The following NOL4L variants were observed in gnomAD, a reference collection of about 807,000 sequenced individuals.
NOL4L encodes the protein nucleolar protein 4-like.
NOL4L carries 7 observed loss-of-function variants against 64.5 expected under a neutral mutation model. That is an observed-to-expected ratio of 0.11 (90% CI 0.06 to 0.20). The LOEUF (loss-of-function observed/expected upper bound fraction) is 0.20, where lower values mean the gene tolerates loss of function less well. Ranked by LOEUF, NOL4L falls within the 10% of genes least tolerant of loss-of-function variation. NOL4L has a pLI of 1.00. For synonymous variants in NOL4L, 413 were observed against 401.0 expected (o/e 1.03, Z -0.36); for missense variants, 680 against 967.1 (o/e 0.70, Z 3.94).
At chr20:32,571,333 G>T (rs140110643) in intron 1 of NOL4L, among the ~76,000 whole-genome samples, 4 of 152,140 alleles carry the variant, frequency 2.6e-5, no homozygotes, top group Non-Finnish European at 4.4e-5. Flanking sequence ...GATTATAGGC[G>T]TGTGCCACAA....
At chr20:32,535,729 G>A (rs2018499395) in intron 1 of NOL4L, 2 of 985,442 alleles carry the variant, frequency 2.0e-6, no homozygotes, top group Non-Finnish European at 2.4e-6. Context: ...TTTGGGTTTT[G>A]TTAACTCTGG....
intron 1 of NOL4L, among the ~76,000 whole-genome samples, chr20:32,583,719 G>A (rs1331949677): frequency 1.2e-3 from 164 of 136,324 alleles, no homozygotes; most frequent in Non-Finnish European, 2.2e-3. Context: ...CGCGCCGCAC[G>A]CCCTCTCCAG....
At chr20:32,488,117 A>T (rs528880662) in intron 4 of NOL4L, among the ~76,000 whole-genome samples, 1 of 152,074 alleles carries the variant, frequency 6.6e-6, no homozygotes, top group Non-Finnish European at 1.5e-5. Context: ...TTTAGTAGAG[A>T]TGGAGTTTTA....
At chr20:32,488,233 A>G (rs1203142031) in intron 4 of NOL4L, among the ~76,000 whole-genome samples, 1 of 152,168 alleles carries the variant, frequency 6.6e-6, no homozygotes, top group East Asian at 1.9e-4. Context: ...AGCATTTGGC[A>G]CCAAATTTTC....
chr20:32,543,807 A>T (rs529596804), intron 1 of NOL4L, among the ~76,000 whole-genome samples: 2 of 152,106 alleles, frequency 1.3e-5, no homozygotes, highest in African/African-American at 4.8e-5. Context: ...AACAAAAAAA[A>T]AAAGATACCA....
intron 1 of NOL4L, among the ~76,000 whole-genome samples, chr20:32,536,928 G>A (rs1195451136): frequency 1.3e-5 from 2 of 148,956 alleles, no homozygotes; most frequent in Non-Finnish European, 3.0e-5. Flanking sequence ...CTCTAGGCGC[G>A]CGCCCGCTCA....
chr20:32,486,620 G>T, intron 4 of NOL4L: 1 of 445,472 alleles, frequency 2.2e-6, no homozygotes, highest in South Asian at 1.7e-5. Flanking sequence ...AGCAGACACT[G>T]TTCAAGCACG....
intron 4 of NOL4L, among the ~76,000 whole-genome samples, chr20:32,503,270 G>A (rs760830660): frequency 1.3e-5 from 2 of 152,208 alleles, no homozygotes; most frequent in Non-Finnish European, 2.9e-5. Context: ...AAATGTGGTC[G>A]ATGGCATTTC....
intron 3 of NOL4L, among the ~76,000 whole-genome samples, chr20:32,516,144 A>T (rs1286063754): frequency 2.0e-5 from 3 of 152,180 alleles, no homozygotes; most frequent in African/African-American, 7.2e-5. Context: ...CAGGTATGAA[A>T]GATCTTCCAG....
intron 1 of NOL4L, among the ~76,000 whole-genome samples, chr20:32,558,627 G>A (rs540489283): frequency 2.2e-4 from 34 of 152,316 alleles, no homozygotes; most frequent in Admixed American, 9.2e-4. Flanking sequence ...CAGCCGTAAC[G>A]GAGGATTCCA....
At chr20:32,457,365 C>T (rs1487564987) in intron 5 of NOL4L, among the ~76,000 whole-genome samples, 1 of 152,166 alleles carries the variant, frequency 6.6e-6, no homozygotes, top group Non-Finnish European at 1.5e-5. Flanking sequence ...ACGGGTGACC[C>T]TGGCGGCTCC....
chr20:32,546,782 C>T (rs2018738726), intron 1 of NOL4L, among the ~76,000 whole-genome samples: 2 of 152,172 alleles, frequency 1.3e-5, no homozygotes, highest in Admixed American at 1.3e-4. Flanking sequence ...ATAGGTGGGA[C>T]ACAGGAGAGA....
intron 1 of NOL4L, among the ~76,000 whole-genome samples, chr20:32,568,121 T>C (rs1403518898): frequency 6.6e-6 from 1 of 151,798 alleles, no homozygotes; most frequent in Non-Finnish European, 1.5e-5. Flanking sequence ...ATCATCATCA[T>C]GACGGCCATC....
chr20:32,467,946 C>T (rs2145466559), intron 5 of NOL4L, among the ~76,000 whole-genome samples: 1 of 152,324 alleles, frequency 6.6e-6, no homozygotes, highest in Admixed American at 6.5e-5. Context: ...CACACCTGCT[C>T]CCCAGAGACC....
In NOL4L at chr20:32,452,431, G is replaced by A; in HGVS notation, c.1627C>T (p.Pro543Ser). ...LEIYQSSQDEPIALDKQHSRD... is the reference protein window; with the variant it reads ...LEIYQSSQDESIALDKQHSRD... ...GAGTGCTGCTTGTCCAGGGCTATGG[G>A]CTCATCCTGCAGAGGGGAGAGGGGG... The change falls in exon 10 of 11, where the codon CCC becomes TCC. Residue 543 changes from proline (P) to serine (S), a missense_variant. Physicochemically the swap from Pro to Ser is moderately conservative, Grantham distance 74. Transcript: ENST00000621426. 1.3e-6 allele frequency: 2 copies of A among 1,596,012 alleles called. No individual in the cohort carries two copies. Among genetic ancestry groups the A allele is most frequent in the Non-Finnish European group, 1.7e-6 (2 of 1,170,922 alleles).
Position 32,456,298 on chromosome 20 carries a change from C to T in NOL4L, c.939G>A (p.Met313Ile), listed in dbSNP as rs749930045. 6.3e-7 allele frequency: 1 copy of T among 1,581,886 alleles called. No homozygotes were observed. The highest frequency in any genetic ancestry group is 8.6e-7 in the Non-Finnish European group (1 of 1,161,266). ...TGGGGGCCACGGCGCCGTTGCCATT[C>T]ATCTCGGGGAAGGCAGGGTCGCCCT... ...STQGDPAFPE[M>I]NGNGAVAPMD... is the part of the protein sequence containing the mutation. Residue 313 changes from methionine to isoleucine, a missense_variant, in exon 6 of 11, where the codon ATG (methionine) becomes ATA (isoleucine). Physicochemically the swap from Met to Ile is conservative, Grantham distance 10. Transcript: ENST00000621426.
In NOL4L at chr20:32,474,709, T is replaced by C; in HGVS notation, c.733A>G (p.Met245Val). 6.2e-7 allele frequency: 1 copy of C among 1,613,446 alleles called. No individual in the cohort carries two copies. The highest frequency in any genetic ancestry group is 8.5e-7 in the Non-Finnish European group (1 of 1,179,758). The change falls in exon 5 of 11, where the codon ATG (methionine) becomes GTG (valine). Residue 245 changes from methionine (M) to valine (V), a missense_variant. By Grantham distance (21) the Met-to-Val change is conservative. Coordinates refer to ENST00000621426, the MANE Select transcript of NOL4L (RefSeq NM_001256798.2). Reference protein sequence around the residue: ...ETSVSSEDFDMSDSTWMSADP... With the variant: ...ETSVSSEDFDVSDSTWMSADP... ...GCTGACATCCATGTGGAGTCGCTCA[T>C]ATCAAAATCCTCGCTGCTCACAGAA...
intron 1 of NOL4L, among the ~76,000 whole-genome samples, chr20:32,565,520 C>T (rs1178183771): frequency 1.3e-5 from 2 of 152,176 alleles, no homozygotes; most frequent in African/African-American, 4.8e-5. Context: ...TGCCCCGCAC[C>T]CCCTGGGCTC....
chr20:32,543,952 A>T (rs770427401), intron 1 of NOL4L, among the ~76,000 whole-genome samples: 1 of 152,178 alleles, frequency 6.6e-6, no homozygotes, highest in Non-Finnish European at 1.5e-5. Context: ...CTGAAGGCCA[A>T]CAGCCTGTGC....
Sources: gnomAD v4.1 joint callset for allele counts (sites outside exome capture counted in the v4.1 genomes callset) on GRCh38, gnomAD v4.1.1 for gene constraint, MANE v1.5 for transcripts, NCBI Gene and HGNC (gene_info 2026-07-23, HGNC 2026-07-21) for gene names.